GPR158: variants seen among roughly 807,000 people sequenced by gnomAD.
The protein encoded by GPR158 is metabotropic glycine receptor.
A neutral mutation model predicts 78.2 loss-of-function variants in GPR158; 30 were observed. That is an observed-to-expected ratio of 0.38 (90% CI 0.29 to 0.52). The LOEUF is 0.52. Among genes scored for constraint, GPR158 ranks in the 20% least tolerant of loss-of-function variants. GPR158 has a pLI of 0.83. For synonymous variants in GPR158, 581 were observed against 591.1 expected, an observed-to-expected ratio of 0.98 and a Z score of 0.25; for missense variants, 1,463 against 1,523.5, an observed-to-expected ratio of 0.96 and a Z score of 0.66.
At chr10:25,586,428 G>T (rs1837269907) in intron 7 of GPR158, among the ~76,000 whole-genome samples, 1 of 119,352 alleles carries the variant, frequency 8.4e-6, no homozygotes. Flanking sequence ...TTTTGAGGCA[G>T]AGTCTCACTC....
At chr10:25,575,340 GTTTT>G (rs1440566188) in intron 7 of GPR158, among the ~76,000 whole-genome samples, 1 of 151,932 alleles carries the variant, frequency 6.6e-6, no homozygotes, top group Admixed American at 6.6e-5. Context: ...TGGTTTTTTT[GTTTT>G]TTTAAGTGAA....
intron 5 of GPR158, chr10:25,475,754 A>G (rs543975662): frequency 6.6e-6 from 1 of 152,242 alleles, no homozygotes; most frequent in East Asian, 1.9e-4. Context: ...TGTGGGCTAT[A>G]CTAGAATTGT....
chr10:25,249,848 C>A (rs1853764818), intron 2 of GPR158, among the ~76,000 whole-genome samples: 1 of 147,440 alleles, frequency 6.8e-6, no homozygotes, highest in Non-Finnish European at 1.5e-5. Context: ...GGGAGGATTC[C>A]CTCTTTTTCT....
chr10:25,279,273 G>A (rs956877094), intron 2 of GPR158, among the ~76,000 whole-genome samples: 3 of 152,180 alleles, frequency 2.0e-5, no homozygotes, highest in African/African-American at 7.2e-5. Context: ...AATGGAAATT[G>A]ACGGCCATAA....
At chr10:25,575,695 G>A (rs779955415) in intron 7 of GPR158, among the ~76,000 whole-genome samples, 71 of 151,838 alleles carry the variant, frequency 4.7e-4, no homozygotes, top group Middle Eastern at 3.4e-3. Flanking sequence ...ACTGTTCCCC[G>A]ATCAAACACT....
At chr10:25,213,870 TAGAG>T (rs1420431332) in intron 1 of GPR158, among the ~76,000 whole-genome samples, 4 of 152,220 alleles carry the variant, frequency 2.6e-5, no homozygotes, top group African/African-American at 7.2e-5. Context: ...CAAAGTTTGT[TAGAG>T]AGCAATTTAT....
At chr10:25,434,409 C>A (rs1432700492) in intron 4 of GPR158, among the ~76,000 whole-genome samples, 2 of 152,074 alleles carry the variant, frequency 1.3e-5, no homozygotes, top group African/African-American at 4.8e-5. Flanking sequence ...TAAAAAAGAG[C>A]TTTATAAATA....
chr10:25,311,110 ATTTG>A lies in GPR158; in HGVS notation c.1009-84796_1009-84793del, dbSNP rs1331966691. On this transcript the variant is annotated intron_variant, in intron 2 of 10. Transcript: ENST00000376351. ...AATACAGAGAATTTTTTATTTTAAT[ATTTG>A]TTTGGGCTAATTCCCTACTAGTTTC... Among the ~76,000 whole-genome samples the A allele has an allele frequency of 3.3e-5, 5 of 152,086 alleles. 1 individual carries two copies. In the East Asian group the frequency reaches 5.8e-4, roughly 18 times the overall value.
intron 2 of GPR158, among the ~76,000 whole-genome samples, chr10:25,299,583 G>A (rs1226682033): frequency 6.6e-6 from 1 of 151,948 alleles, no homozygotes; most frequent in Non-Finnish European, 1.5e-5. Flanking sequence ...CCTTTTTAAA[G>A]GCTGGATAGT....
intron 2 of GPR158, among the ~76,000 whole-genome samples, chr10:25,243,306 T>C (rs190338877): frequency 2.6e-5 from 4 of 152,142 alleles, no homozygotes; most frequent in East Asian, 1.9e-4. Context: ...TGGTCATCAA[T>C]AGAAGCAAGC....
At chr10:25,388,021 T>G (rs1406215319) in intron 2 of GPR158, among the ~76,000 whole-genome samples, 2 of 152,300 alleles carry the variant, frequency 1.3e-5, no homozygotes, top group East Asian at 3.9e-4. Context: ...TTCTAGAAAT[T>G]TATCCACTTC....
At chr10:25,190,020 A>G (rs986833390) in intron 1 of GPR158, among the ~76,000 whole-genome samples, 6 of 152,062 alleles carry the variant, frequency 3.9e-5, no homozygotes, top group African/African-American at 1.4e-4. Context: ...TTATTTTTAC[A>G]TGAAGCTCCA....
chr10:25,348,083 T>C (rs1195316230), intron 2 of GPR158, among the ~76,000 whole-genome samples: 1 of 151,926 alleles, frequency 6.6e-6, no homozygotes, highest in Non-Finnish European at 1.5e-5. Context: ...GATCTGGGCC[T>C]GTGTCTACCT....
At chr10:25,348,564 G>A (rs975074981) in intron 2 of GPR158, among the ~76,000 whole-genome samples, 2 of 151,904 alleles carry the variant, frequency 1.3e-5, no homozygotes, top group Admixed American at 1.3e-4. Context: ...GATGGGGAGG[G>A]GTAATACTAT....
chr10:25,395,895 CTT>C lies in GPR158; in HGVS notation c.1009-13_1009-12del, dbSNP rs1396991312. 1.1e-5 allele frequency: 14 copies of C among 1,326,696 alleles called. No individual in the cohort carries two copies. The highest frequency in any genetic ancestry group is 1.5e-5 in the Non-Finnish European group (14 of 919,276). The allele number at this position is 1,326,696 out of a possible 1,614,324, so 82.2% of individuals were successfully genotyped here. A position where few individuals can be genotyped will look rare whatever the true frequency, so the allele number is the denominator to read the frequency against. ...AAGCCATGATCAACTATGTTGCTGT[CTT>C]TTCTTCTTCATAGTGTATGCCAATT... is the stretch of plus-strand genomic sequence containing the variant. On this transcript the variant is annotated splice_polypyrimidine_tract_variant and intron_variant, in intron 2 of 10. Coordinates refer to ENST00000376351, the MANE Select transcript of GPR158 (RefSeq NM_020752.3).
At chr10:25,329,040 A>G (rs751033611) in intron 2 of GPR158, among the ~76,000 whole-genome samples, 1 of 151,752 alleles carries the variant, frequency 6.6e-6, no homozygotes, top group African/African-American at 2.4e-5. Context: ...TACTATTCCT[A>G]GCTAACTGGA....
chr10:25,185,620 G>A (rs1260032104), intron 1 of GPR158, among the ~76,000 whole-genome samples: 3 of 152,142 alleles, frequency 2.0e-5, no homozygotes, highest in Admixed American at 2.0e-4. Context: ...TCAGGAGATC[G>A]AGACTATCCT....
chr10:25,392,619 G>A (rs912863012), intron 2 of GPR158, among the ~76,000 whole-genome samples: 1 of 152,096 alleles, frequency 6.6e-6, no homozygotes, highest in African/African-American at 2.4e-5. Context: ...CAGCCCCTCA[G>A]CCTAAACCCA....
chr10:25,366,101 C>A (rs563091326), intron 2 of GPR158, among the ~76,000 whole-genome samples: 8 of 151,406 alleles, frequency 5.3e-5, no homozygotes, highest in African/African-American at 1.7e-4. Flanking sequence ...TAATATAGCA[C>A]AATTTATTTC....
Sources: gnomAD v4.1 joint callset for allele counts (sites outside exome capture counted in the v4.1 genomes callset) on GRCh38, gnomAD v4.1.1 for gene constraint, MANE v1.5 for transcripts, NCBI Gene and HGNC (gene_info 2026-07-23, HGNC 2026-07-21) for gene names.